The following DMD variants were observed in gnomAD, a reference collection of about 807,000 sequenced individuals.
DMD encodes the protein dystrophin.
Under a neutral mutation model 330.1 loss-of-function variants are expected in DMD, and 63 were observed. That is an observed-to-expected ratio of 0.19 (90% CI 0.16 to 0.24). The LOEUF is 0.24. DMD is among the 10% of genes least tolerant of loss of function. DMD has a pLI of 1.00. For synonymous variants in DMD, 1,223 were observed against 959.8 expected (o/e 1.27, Z -5.07); for missense variants, 3,344 against 2,684.1 (o/e 1.25, Z -5.43).
At chrX:33,159,363 G>T (rs909277006) in intron 1 of DMD, 1 of 110,565 alleles carries the variant, frequency 9.0e-6, no homozygotes, top group African/African-American at 3.3e-5. Context: ...GTATACACAT[G>T]CCATGGTGGC....
intron 11 of DMD, chrX:32,641,684 A>G (rs935735384): frequency 7.2e-6 from 1 of 138,238 alleles, no homozygotes; most frequent in South Asian, 2.3e-4. Flanking sequence ...AAATTATAGC[A>G]TAGCTTTGGA....
At chrX:32,665,428 C>A (rs762510317) in intron 9 of DMD, among the ~76,000 whole-genome samples, 2 of 112,043 alleles carry the variant, frequency 1.8e-5, no homozygotes, top group Admixed American at 1.9e-4. Flanking sequence ...CATGGAAGAA[C>A]CTGGTCTTCA....
intron 27 of DMD, among the ~76,000 whole-genome samples, chrX:32,443,384 A>G (rs2098290357): frequency 9.0e-6 from 1 of 110,962 alleles, no homozygotes; most frequent in Admixed American, 9.6e-5. Flanking sequence ...AAGTGAAATT[A>G]AGTGTTTTGC....
At chrX:31,252,381 G>A (rs1021759179) in intron 63 of DMD, among the ~76,000 whole-genome samples, 1 of 112,022 alleles carries the variant, frequency 8.9e-6, no homozygotes, top group African/African-American at 3.2e-5. Flanking sequence ...TTTGAGAACA[G>A]AGAACTCGGA....
chrX:31,642,722 C>A (rs555103275), intron 54 of DMD, among the ~76,000 whole-genome samples: 3 of 111,339 alleles, frequency 2.7e-5, no homozygotes, highest in Admixed American at 9.6e-5. Flanking sequence ...TTTGCTCTAT[C>A]AGTTTTGTGA....
At chrX:32,313,352 C>A (rs923640521) in intron 41 of DMD, among the ~76,000 whole-genome samples, 1 of 111,279 alleles carries the variant, frequency 9.0e-6, no homozygotes, top group African/African-American at 3.3e-5. Context: ...AATTCAACAC[C>A]CTTTCATGTT....
intron 48 of DMD, among the ~76,000 whole-genome samples, chrX:31,865,723 G>A (rs2093787847): frequency 1.1e-5 from 1 of 95,018 alleles, no homozygotes; most frequent in African/African-American, 4.1e-5. Context: ...ATATTCTTGA[G>A]TCTAGAGTCC....
intron 1 of DMD, among the ~76,000 whole-genome samples, chrX:33,072,730 T>C (rs2094778871): frequency 9.0e-6 from 1 of 110,621 alleles, no homozygotes; most frequent in African/African-American, 3.3e-5. Flanking sequence ...CAGTTTGGAG[T>C]AGAATATGGG....
intron 17 of DMD, among the ~76,000 whole-genome samples, chrX:32,536,602 C>T (rs1005252211): frequency 1.8e-5 from 2 of 112,121 alleles, no homozygotes; most frequent in Admixed American, 9.5e-5. Context: ...TCAACTGAGT[C>T]ACTGAACAAA....
chrX:32,803,635 T>A (rs1399031692), intron 7 of DMD, among the ~76,000 whole-genome samples: 1 of 112,094 alleles, frequency 8.9e-6, no homozygotes, highest in Non-Finnish European at 1.9e-5. Flanking sequence ...TCTTTAGCTG[T>A]GTCCCACAGA....
intron 37 of DMD, among the ~76,000 whole-genome samples, chrX:32,355,464 C>A (rs137941297): frequency 0.026 from 2,947 of 111,477 alleles, 100 homozygotes; most frequent in African/African-American, 0.089. Context: ...GGAGAACAAT[C>A]AAGATTCACC....
At chrX:31,260,034 C>T (rs1160996547) in intron 63 of DMD, among the ~76,000 whole-genome samples, 1 of 111,292 alleles carries the variant, frequency 9.0e-6, no homozygotes, top group Admixed American at 9.6e-5. Context: ...AAAAACACAG[C>T]CTGGGCAACA....
chrX:31,640,527 G>C (rs1054923121), intron 54 of DMD, among the ~76,000 whole-genome samples: 3 of 112,425 alleles, frequency 2.7e-5, no homozygotes, highest in African/African-American at 9.7e-5. Context: ...ATTTTTACAA[G>C]TTACTTGTCA....
rs186784680 is a variant in DMD, at chrX:31,483,346, G to T, written c.8548-4243C>A. Reference sequence around the variant, plus strand: ...CAGGCGTGAGCCACCACGCCCGGCCGGAAATGGATCTTAAAGGTCTCATCA... The same window carrying T: ...CAGGCGTGAGCCACCACGCCCGGCCTGAAATGGATCTTAAAGGTCTCATCA... On this transcript the variant is annotated intron_variant, in intron 57 of 78. Transcript: ENST00000357033. Among the ~76,000 whole-genome samples, 5 of 111,708 alleles carry T rather than the reference G, an allele frequency of 4.5e-5. No homozygotes were observed. In the East Asian group the frequency reaches 1.1e-3, roughly 25 times the overall value.
chrX:33,228,983 C>A lies in DMD; in HGVS notation c.7+110276G>T, dbSNP rs755923791. Reference sequence around the variant, plus strand: ...CTTGATGTCTAGTGATATTTAATATCTTTTCCATATGTTTGTCATTTATAT... The same window carrying A: ...CTTGATGTCTAGTGATATTTAATATATTTTCCATATGTTTGTCATTTATAT... On this transcript the variant is annotated intron_variant, in intron 1 of 17. Coordinates refer to the DMD transcript ENST00000288447. Among the ~76,000 whole-genome samples, 6 of 110,667 alleles carry A rather than the reference C, an allele frequency of 5.4e-5. No individual in the cohort carries two copies. In the East Asian group the frequency reaches 1.4e-3, roughly 26 times the overall value.
chrX:31,997,615 A>G (rs1416577184), intron 44 of DMD, among the ~76,000 whole-genome samples: 4 of 110,295 alleles, frequency 3.6e-5, no homozygotes, highest in Non-Finnish European at 7.6e-5. Flanking sequence ...TTGTGCACGT[A>G]TTTTTAAAGG....
At chrX:32,033,603 C>CAGAAAGAAAGAAAGAAAGAAAGAAAGAA (rs753337646) in intron 44 of DMD, among the ~76,000 whole-genome samples, 1 of 59,938 alleles carries the variant, frequency 1.7e-5, no homozygotes, top group Non-Finnish European at 3.0e-5. Context: ...GACAGACAGA[C>CAGAAAGAAAGAAAGAAAGAAAGAAAGAA]AGAAAGAAAG....
chrX:31,960,720 C>T (rs765245211), intron 45 of DMD, among the ~76,000 whole-genome samples: 2 of 111,968 alleles, frequency 1.8e-5, no homozygotes, highest in African/African-American at 6.5e-5. Context: ...TTGGTGCCAG[C>T]TAGTCTGTTT....
Position 32,815,520 on chromosome X carries a change from T to TATACACACAC in DMD, c.530+947_530+948insGTGTGTGTAT. On this transcript the variant is annotated intron_variant, in intron 6 of 78. Transcript: ENST00000357033. ...ATATATATATATATATATATATATA[T>TATACACACAC]ACACACACACACACACATATATATA... Among the ~76,000 whole-genome samples the TATACACACAC allele has an allele frequency of 3.6e-3, 284 of 78,891 alleles. 4 individuals carry two copies. The highest frequency in any genetic ancestry group is 7.2e-3 in the Admixed American group (47 of 6,508). 68.5% of individuals were successfully genotyped at this position (78,891 alleles called of 115,157 possible). A position where few individuals can be genotyped will look rare whatever the true frequency, so the allele number is the denominator to read the frequency against.
Sources: allele counts gnomAD v4.1 joint callset (sites outside exome capture counted in the v4.1 genomes callset), GRCh38; gene constraint gnomAD v4.1.1; transcripts MANE v1.5; gene names NCBI Gene and HGNC (gene_info 2026-07-23, HGNC 2026-07-21).